The following ASIC2 variants were observed in gnomAD, a reference collection of about 807,000 sequenced individuals.
ASIC2 encodes the protein acid sensing ion channel subunit 2.
In ASIC2, 25 loss-of-function variants were observed where a neutral mutation model predicts 57.3. The observed-to-expected ratio is 0.44, with a 90% CI of 0.32 to 0.61. ASIC2 has a LOEUF of 0.61. Ranked by LOEUF, ASIC2 falls within the 20% of genes least tolerant of loss-of-function variation. ASIC2 has a pLI of 0.06. For synonymous variants in ASIC2, 319 were observed against 307.5 expected, an observed-to-expected ratio of 1.04 and a Z score of -0.39; for missense variants, 641 against 738.1, an observed-to-expected ratio of 0.87 and a Z score of 1.52.
intron 1 of ASIC2, among the ~76,000 whole-genome samples, chr17:33,184,726 G>A (rs939615738): frequency 6.6e-6 from 1 of 152,146 alleles, no homozygotes; most frequent in African/African-American, 2.4e-5. Context: ...TCAGGGGTAA[G>A]CACCTACCAA....
intron 1 of ASIC2, among the ~76,000 whole-genome samples, chr17:34,029,369 T>C (rs1228882324): frequency 9.5e-5 from 7 of 73,586 alleles, no homozygotes; most frequent in Non-Finnish European, 1.3e-4. Flanking sequence ...CTCACAGTGC[T>C]AAAACCAAAA....
At chr17:33,299,537 C>CT (rs1905864001) in intron 1 of ASIC2, among the ~76,000 whole-genome samples, 1 of 110,034 alleles carries the variant, frequency 9.1e-6, no homozygotes, top group Non-Finnish European at 1.9e-5. Context: ...CTCCCTCACT[C>CT]TGTTTTTTTT....
intron 2 of ASIC2, among the ~76,000 whole-genome samples, chr17:33,100,671 C>T (rs1339943047): frequency 6.6e-6 from 1 of 152,164 alleles, no homozygotes; most frequent in Non-Finnish European, 1.5e-5. Flanking sequence ...AAAAAGAGCC[C>T]TTCAGATATT....
intron 1 of ASIC2, among the ~76,000 whole-genome samples, chr17:33,179,254 C>T (rs1905882846): frequency 6.6e-6 from 1 of 152,180 alleles, no homozygotes; most frequent in Non-Finnish European, 1.5e-5. Flanking sequence ...TTAATACCCC[C>T]TGTGAGATTT....
chr17:33,839,869 C>T (rs2141907206), intron 1 of ASIC2, among the ~76,000 whole-genome samples: 1 of 152,282 alleles, frequency 6.6e-6, no homozygotes, highest in African/African-American at 2.4e-5. Flanking sequence ...AGCCTTGTTG[C>T]TTTGTCTCAG....
intron 1 of ASIC2, among the ~76,000 whole-genome samples, chr17:34,134,498 G>C: frequency 6.6e-6 from 1 of 152,326 alleles, no homozygotes; most frequent in Non-Finnish European, 1.5e-5. Flanking sequence ...GCAGGAAGGA[G>C]AGAATGGAAG....
Position 34,040,330 on chromosome 17 carries a change from G to A in ASIC2, c.555+115648C>T, listed in dbSNP as rs1220262050. ...ATCCGGATCGGTTCGGTCCGGATTA[G>A]TAGTGATCGGTGTAAACACACTAGT... On this transcript the variant is annotated intron_variant, in intron 1 of 9. Transcript: ENST00000359872. 7.5e-5 allele frequency among the ~76,000 whole-genome samples: 11 copies of A among 147,322 alleles called. No homozygotes were observed. The East Asian group carries it at 2.2e-3, about 30-fold the overall frequency.
At chr17:33,752,040 C>T (rs1167252067) in intron 1 of ASIC2, among the ~76,000 whole-genome samples, 1 of 152,008 alleles carries the variant, frequency 6.6e-6, no homozygotes, top group Non-Finnish European at 1.5e-5. Context: ...GTCTAAGCAC[C>T]ACCTGACAGA....
intron 1 of ASIC2, among the ~76,000 whole-genome samples, chr17:33,965,546 T>C (rs1423882311): frequency 6.6e-6 from 1 of 152,158 alleles, no homozygotes; most frequent in African/African-American, 2.4e-5. Flanking sequence ...CGGCCTCCCA[T>C]ACAACAATGA....
intron 1 of ASIC2, among the ~76,000 whole-genome samples, chr17:33,170,507 A>G (rs319778): frequency 0.45 from 68,842 of 152,002 alleles, 17,302 homozygotes; most frequent in Non-Finnish European, 0.59. Flanking sequence ...AATATCCAGG[A>G]GAGGAAGGGA....
At chr17:33,333,786 G>C (rs903237631) in intron 1 of ASIC2, among the ~76,000 whole-genome samples, 2 of 152,204 alleles carry the variant, frequency 1.3e-5, no homozygotes, top group Non-Finnish European at 2.9e-5. Context: ...GGAGGAGAAA[G>C]GGAGAGGAAA....
chr17:33,633,946 G>A (rs1906260994), intron 1 of ASIC2, among the ~76,000 whole-genome samples: 1 of 152,146 alleles, frequency 6.6e-6, no homozygotes, highest in Admixed American at 6.5e-5. Flanking sequence ...GGCATTTCCT[G>A]CCTTATTCTT....
intron 1 of ASIC2, among the ~76,000 whole-genome samples, chr17:33,226,283 C>T (rs1483311172): frequency 6.6e-6 from 1 of 152,078 alleles, no homozygotes; most frequent in Admixed American, 6.5e-5. Flanking sequence ...AATAGAGATG[C>T]CCAATAACAT....
intron 1 of ASIC2, among the ~76,000 whole-genome samples, chr17:33,130,584 T>C (rs1271619914): frequency 6.6e-6 from 1 of 152,238 alleles, no homozygotes; most frequent in African/African-American, 2.4e-5. Flanking sequence ...GCTATCTGCA[T>C]GCTCCTCAAC....
chr17:33,413,127 C>A (rs537828282), intron 1 of ASIC2, among the ~76,000 whole-genome samples: 1 of 152,142 alleles, frequency 6.6e-6, no homozygotes, highest in Admixed American at 6.5e-5. Flanking sequence ...CGCTTTCCCC[C>A]GAGATGTGTT....
intron 1 of ASIC2, among the ~76,000 whole-genome samples, chr17:34,121,417 C>T (rs1911616862): frequency 6.6e-6 from 1 of 152,120 alleles, no homozygotes; most frequent in South Asian, 2.1e-4. Flanking sequence ...TATTACCCCT[C>T]CCTCGTCTCT....
intron 1 of ASIC2, among the ~76,000 whole-genome samples, chr17:33,170,271 C>T (rs1905460471): frequency 6.6e-6 from 1 of 152,146 alleles, no homozygotes; most frequent in Non-Finnish European, 1.5e-5. Flanking sequence ...CACAAAGACT[C>T]AACACTGAGA....
intron 1 of ASIC2, among the ~76,000 whole-genome samples, chr17:33,405,167 C>G (rs928774009): frequency 6.6e-6 from 1 of 152,090 alleles, no homozygotes; most frequent in Non-Finnish European, 1.5e-5. Context: ...TTCTCAAGGG[C>G]ATCATATCTC....
rs537628640 is a variant in ASIC2, at chr17:33,961,812, G to A, written c.555+194166C>T. On this transcript the variant is annotated intron_variant, in intron 1 of 9. Coordinates refer to the ASIC2 transcript ENST00000359872. ...CTTCAGGCAGGAAGGTGTCAAGGAA[G>A]CTCAGAACCCAACATTGCTCTCCAC... Among the ~76,000 whole-genome samples, 12 of 152,238 alleles carry A rather than the reference G, an allele frequency of 7.9e-5. No individual in the cohort carries two copies. The South Asian group carries it at 2.5e-3, about 32-fold the overall frequency.
Sources: allele counts gnomAD v4.1 joint callset (sites outside exome capture counted in the v4.1 genomes callset), GRCh38; gene constraint gnomAD v4.1.1; transcripts MANE v1.5; gene names NCBI Gene and HGNC (gene_info 2026-07-23, HGNC 2026-07-21).